Variants in EIF4E3 observed in about 807,000 individuals in gnomAD.
The protein encoded by EIF4E3 is eukaryotic translation initiation factor 4E family member 3.
Under a neutral mutation model 31.7 loss-of-function variants are expected in EIF4E3, and 26 were observed. The observed-to-expected ratio is 0.82, with a 90% CI of 0.60 to 1.14. The LOEUF is 1.14. Ranked by LOEUF, EIF4E3 falls within the 50% of genes most tolerant of loss-of-function variation. EIF4E3 has a pLI of 0.00. For synonymous variants in EIF4E3, 128 were observed against 107.7 expected, an observed-to-expected ratio of 1.19 and a Z score of -1.17; for missense variants, 304 against 270.9, an observed-to-expected ratio of 1.12 and a Z score of -0.86.
chr3:71,685,638 T>C (rs948755802), intron 6 of EIF4E3, among the ~76,000 whole-genome samples: 12 of 152,160 alleles, frequency 7.9e-5, no homozygotes, highest in Non-Finnish European at 1.5e-4. Context: ...AGTGGGATTA[T>C]AGGCGTGAGC....
intron 2 of EIF4E3, among the ~76,000 whole-genome samples, chr3:71,705,584 G>A (rs759667912): frequency 2.6e-5 from 4 of 152,176 alleles, no homozygotes; most frequent in African/African-American, 9.6e-5. Context: ...TGAGATAGGT[G>A]TGGCAAAATC....
upstream of EIF4E3, chr3:71,754,211 C>T (rs755718817): frequency 2.9e-6 from 4 of 1,398,608 alleles, no homozygotes; most frequent in East Asian, 6.5e-5. The surrounding 1 kb of genome is among the most constrained non-coding windows in gnomAD (Gnocchi z 5.8). Flanking sequence ...GCGCCCCGTA[C>T]TACCTGCTGC....
intron 2 of EIF4E3, among the ~76,000 whole-genome samples, chr3:71,702,274 C>T: frequency 6.6e-6 from 1 of 152,150 alleles, no homozygotes; most frequent in Non-Finnish European, 1.5e-5. Context: ...GTGGCAATGA[C>T]CTCTGTAGAA....
At chr3:71,709,306 G>A (rs1350421559) in intron 2 of EIF4E3, among the ~76,000 whole-genome samples, 4 of 152,198 alleles carry the variant, frequency 2.6e-5, no homozygotes, top group Non-Finnish European at 5.9e-5. Flanking sequence ...GCACCAGCCC[G>A]CTAAACTAGA....
chr3:71,689,867 A>C (rs1104557), intron 6 of EIF4E3, 143 bp downstream of exon 6: 92,381 of 795,946 alleles, frequency 0.12, 6,740 homozygotes, highest in African/African-American at 0.18. Context: ...AAAAAAAAAA[A>C]ACTTAAATGT....
chr3:71,719,624 A>G lies in EIF4E3; in HGVS notation c.176+5568T>C, dbSNP rs542231356. Among the ~76,000 whole-genome samples, 5 of 152,268 alleles carry G rather than the reference A, an allele frequency of 3.3e-5. No individual in the cohort carries two copies. In the East Asian group the frequency reaches 9.6e-4, roughly 29 times the overall value. ...CTCTCTGGAGTCACAGACATAAGGA[A>G]GTTAGATCTATCCAAGGAAAGGGCC... On this transcript the variant is annotated intron_variant, in intron 1 of 6. Coordinates refer to ENST00000425534, the MANE Select transcript of EIF4E3 (RefSeq NM_001134651.2).
intron 2 of EIF4E3, 121 bp downstream of exon 2, chr3:71,710,291 G>C: frequency 1.7e-6 from 2 of 1,143,020 alleles, no homozygotes; most frequent in South Asian, 1.3e-5. Context: ...CTGGACCCGA[G>C]AGCCAACTCC....
Position 71,693,887 on chromosome 3 carries a change from A to C in EIF4E3, c.460T>G (p.Cys154Gly). 1 of 1,575,584 alleles carries C rather than the reference A, an allele frequency of 6.3e-7. No individual in the cohort carries two copies. The highest frequency in any genetic ancestry group is 8.6e-7 in the Non-Finnish European group (1 of 1,160,900). Reference sequence around the variant, plus strand: ...TGGGCTGCTTTACCTGCTGCGGCACAGTCTGTGAACTGTTCCCCGATGGTT... The same window carrying C: ...TGGGCTGCTTTACCTGCTGCGGCACCGTCTGTGAACTGTTCCCCGATGGTT... ...LATIGEQFTD[C>G]AAADDEVIGV... Residue 154 changes from cysteine (C) to glycine (G), a missense_variant, in exon 5 of 7, where the codon TGT (cysteine) becomes GGT (glycine). Transcript: ENST00000425534.
At chr3:71,688,736 C>T (rs139559435) in intron 6 of EIF4E3, among the ~76,000 whole-genome samples, 91 of 152,240 alleles carry the variant, frequency 6.0e-4, no homozygotes, top group African/African-American at 2.2e-3. Context: ...GGTGAAAATA[C>T]AATTAAAGTA....
intron 3 of EIF4E3, 33 bp downstream of exon 3, chr3:71,699,581 A>G (rs1246985487): frequency 1.3e-6 from 2 of 1,584,204 alleles, no homozygotes; most frequent in Non-Finnish European, 1.7e-6. Context: ...TTTTCCTCCC[A>G]CCTTGACCTT....
chr3:71,699,209 A>G, intron 3 of EIF4E3, among the ~76,000 whole-genome samples: 1 of 152,294 alleles, frequency 6.6e-6, no homozygotes, highest in Middle Eastern at 3.4e-3. Context: ...CCTTGGTGAC[A>G]GAGTGAGACC....
chr3:71,670,533 A>C (rs2048842573), downstream of EIF4E3, among the ~76,000 whole-genome samples: 1 of 152,182 alleles, frequency 6.6e-6, no homozygotes, highest in Non-Finnish European at 1.5e-5. Context: ...CTTAGGAATA[A>C]AAAAAAGTTT....
Position 71,693,957 on chromosome 3 carries a change from A to C in EIF4E3, c.406-16T>G. 1 of 1,550,370 alleles carries C rather than the reference A, an allele frequency of 6.5e-7. No homozygotes were observed. Among genetic ancestry groups the C allele is most frequent in the Non-Finnish European group, 8.7e-7 (1 of 1,151,082 alleles). On this transcript the variant is annotated splice_polypyrimidine_tract_variant and intron_variant, in intron 4 of 6. Coordinates refer to ENST00000425534, the MANE Select transcript of EIF4E3 (RefSeq NM_001134651.2). The stretch of plus-strand genomic sequence containing the variant: ...AAACTGTGGACTGATATGGGAAAAG[A>C]ATAAAAAACAAAACAAACAAAATAC...
upstream of EIF4E3, among the ~76,000 whole-genome samples, chr3:71,729,911 T>TAACA (rs2049686784): frequency 6.6e-6 from 1 of 152,032 alleles, no homozygotes; most frequent in Admixed American, 6.6e-5. Context: ...GCTCCTTCTC[T>TAACA]AACACTGAGA....
chr3:71,728,864 T>A (rs773986305), upstream of EIF4E3: 3 of 152,140 alleles, frequency 2.0e-5, no homozygotes, highest in Non-Finnish European at 4.4e-5. Flanking sequence ...ATTTTCCAAA[T>A]GAGAAAAGAA....
the EIF4E3 span, among the ~76,000 whole-genome samples, chr3:71,661,259 C>T: frequency 1.2e-4 from 19 of 152,074 alleles, no homozygotes; most frequent in South Asian, 3.5e-3. Flanking sequence ...AGTTTCTTTA[C>T]GTTTCTGGAG....
intron 1 of EIF4E3, among the ~76,000 whole-genome samples, chr3:71,713,137 G>A (rs1344092301): frequency 6.6e-6 from 1 of 152,164 alleles, no homozygotes; most frequent in Non-Finnish European, 1.5e-5. Flanking sequence ...CTAGTGTGCT[G>A]AGCCTCTGAC....
At chr3:71,737,601 GA>G (rs1319348302) in intron 1 of EIF4E3, among the ~76,000 whole-genome samples, 1 of 151,972 alleles carries the variant, frequency 6.6e-6, no homozygotes, top group African/African-American at 2.4e-5. Context: ...CTACAGTGCA[GA>G]AAAAAAGACA....
intron 1 of EIF4E3, among the ~76,000 whole-genome samples, chr3:71,743,739 A>G (rs777607335): frequency 6.6e-6 from 1 of 152,212 alleles, no homozygotes; most frequent in Non-Finnish European, 1.5e-5. Context: ...AATAATGAAT[A>G]CAGTGTGACA....
Sources: gnomAD v4.1 joint callset for allele counts (sites outside exome capture counted in the v4.1 genomes callset) on GRCh38, gnomAD v4.1.1 for gene constraint, Gnocchi (gnomAD v3.1) non-coding constraint, MANE v1.5 for transcripts, NCBI Gene and HGNC (gene_info 2026-07-23, HGNC 2026-07-21) for gene names.